ST8SIA5: variants seen among roughly 807,000 people sequenced by gnomAD.
ST8SIA5 encodes the protein alpha-2,8-sialyltransferase 8E.
ST8SIA5 carries 24 observed loss-of-function variants against 40.2 expected under a neutral mutation model. The observed-to-expected ratio is 0.60, with a 90% CI of 0.43 to 0.84. The LOEUF (loss-of-function observed/expected upper bound fraction) is 0.84. ST8SIA5 is among the 40% of genes least tolerant of loss of function. ST8SIA5 has a pLI of 0.00. For missense variants in ST8SIA5, 465 were observed against 498.5 expected, an observed-to-expected ratio of 0.93 and a Z score of 0.64; for synonymous variants, 198 against 201.8, an observed-to-expected ratio of 0.98 and a Z score of 0.16.
chr18:46,723,895 C>T (rs1302254456), intron 1 of ST8SIA5, among the ~76,000 whole-genome samples: 1 of 151,736 alleles, frequency 6.6e-6, no homozygotes, highest in Non-Finnish European at 1.5e-5. Flanking sequence ...CATTGCACTC[C>T]AGCCTGGGTG....
Position 46,677,420 on chromosome 18 carries a change from A to G in ST8SIA5, c.*2622T>C, listed in dbSNP as rs1722604664. The stretch of plus-strand genomic sequence containing the variant: ...GAGCCTCCTTACCCAAAGGGGTCTC[A>G]TGATGATTACAGGAGATAATATAGG... On this transcript the variant is annotated 3_prime_UTR_variant, in exon 7 of 7. Transcript: ENST00000315087. 1 of 152,192 alleles carries G rather than the reference A, an allele frequency of 6.6e-6. No homozygotes were observed. The highest frequency in any genetic ancestry group is 1.5e-5 in the Non-Finnish European group (1 of 68,040). 9.4% of individuals were successfully genotyped at this position (152,192 alleles called of 1,614,324 possible). A position where few individuals can be genotyped will look rare whatever the true frequency, so the allele number is the denominator to read the frequency against.
chr18:46,720,000 G>A (rs564742108), intron 1 of ST8SIA5, among the ~76,000 whole-genome samples: 24 of 151,924 alleles, frequency 1.6e-4, no homozygotes, highest in South Asian at 2.1e-4. Flanking sequence ...CACCACACCC[G>A]GCTAATTTTT....
chr18:46,720,628 C>T (rs942159024), intron 1 of ST8SIA5, among the ~76,000 whole-genome samples: 3 of 152,084 alleles, frequency 2.0e-5, no homozygotes, highest in Admixed American at 2.0e-4. Flanking sequence ...GAGTTACCCC[C>T]TCCTTAAAAA....
intron 1 of ST8SIA5, chr18:46,721,227 A>G: frequency 1.3e-6 from 1 of 749,330 alleles, no homozygotes; most frequent in Non-Finnish European, 2.2e-6. Flanking sequence ...GTGGGATACC[A>G]AAGTGCAGGG....
At position 46,696,737 on chromosome 18, in the gene ST8SIA5, C is replaced by G. The variant is rs145603697; in HGVS notation, c.225-4482G>C. Among the ~76,000 whole-genome samples, 5 of 152,290 alleles carry G rather than the reference C, an allele frequency of 3.3e-5. No individual in the cohort carries two copies. The East Asian group carries it at 9.6e-4, about 29-fold the overall frequency. On this transcript the variant is annotated intron_variant, in intron 2 of 6. Coordinates refer to ENST00000315087, the MANE Select transcript of ST8SIA5 (RefSeq NM_013305.6). The stretch of plus-strand genomic sequence containing the variant: ...ATCTTTAAAGATGAAGGGTTGACCC[C>G]AGGCACTTTTCTCCTTTCTCCCAAG...
chr18:46,685,493 C>A (rs2039437333), intron 5 of ST8SIA5, among the ~76,000 whole-genome samples: 1 of 152,158 alleles, frequency 6.6e-6, no homozygotes, highest in African/African-American at 2.4e-5. Context: ...TGGGGTTGGA[C>A]AGCCAAGAAC....
intron 1 of ST8SIA5, among the ~76,000 whole-genome samples, chr18:46,750,910 G>T (rs973250669): frequency 1.3e-5 from 2 of 152,206 alleles, no homozygotes; most frequent in African/African-American, 4.8e-5. Context: ...CAACCCAACG[G>T]ATTGTAAAAT....
At chr18:46,682,946 A>G (rs1355613847) in intron 5 of ST8SIA5, among the ~76,000 whole-genome samples, 6 of 152,252 alleles carry the variant, frequency 3.9e-5, no homozygotes, top group Non-Finnish European at 4.4e-5. Flanking sequence ...TTCTGCAGAC[A>G]TCTTGATTTT....
intron 1 of ST8SIA5, among the ~76,000 whole-genome samples, chr18:46,710,365 TTCTTTCTTTCTTTC>T (rs1427650266): frequency 4.5e-5 from 1 of 22,448 alleles, no homozygotes; most frequent in Non-Finnish European, 1.1e-4. Context: ...CTTCTTTCTT[TTCTTTCTTTCTTTC>T]TTTCTTTCTT....
At chr18:46,694,260 G>A (rs1158913565) in intron 2 of ST8SIA5, among the ~76,000 whole-genome samples, 1 of 152,130 alleles carries the variant, frequency 6.6e-6, no homozygotes, top group African/African-American at 2.4e-5. Context: ...TGGATCCTAT[G>A]GTCAAATATA....
chr18:46,705,040 C>T (rs547719479), intron 1 of ST8SIA5, among the ~76,000 whole-genome samples: 9 of 152,356 alleles, frequency 5.9e-5, no homozygotes, highest in African/African-American at 1.4e-4. Flanking sequence ...GCCATTCTGG[C>T]GCAGCACTGG....
Position 46,676,340 on chromosome 18 carries a change from G to A in ST8SIA5, c.*3702C>T, listed in dbSNP as rs1205066078. On this transcript the variant is annotated 3_prime_UTR_variant, in exon 7 of 7. Coordinates refer to ENST00000315087, the MANE Select transcript of ST8SIA5 (RefSeq NM_013305.6). Reference sequence around the variant, plus strand: ...CACACCAGACCACAAACTCCCGGAGGGCAGGGACGACGTTTTGTTCATCAC... The same window carrying A: ...CACACCAGACCACAAACTCCCGGAGAGCAGGGACGACGTTTTGTTCATCAC... 1.3e-5 allele frequency: 2 copies of A among 152,182 alleles called. No individual in the cohort carries two copies. The highest frequency in any genetic ancestry group is 2.9e-5 in the Non-Finnish European group (2 of 68,064). The allele number at this position is 152,182 out of a possible 1,614,324, so 9.4% of individuals were successfully genotyped here. A position where few individuals can be genotyped will look rare whatever the true frequency, so the allele number is the denominator to read the frequency against.
intron 6 of ST8SIA5, among the ~76,000 whole-genome samples, chr18:46,680,948 G>A (rs919650516): frequency 1.3e-5 from 2 of 152,092 alleles, no homozygotes; most frequent in African/African-American, 4.8e-5. Context: ...CTCTCCTGCA[G>A]CCTCCGTTTC....
At chr18:46,727,671 G>C (rs1243411083) in intron 1 of ST8SIA5, among the ~76,000 whole-genome samples, 2 of 152,124 alleles carry the variant, frequency 1.3e-5, no homozygotes, top group Non-Finnish European at 2.9e-5. Flanking sequence ...CCATTTCACA[G>C]ATGAGGAAAC....
chr18:46,715,427 A>C (rs2144518502), intron 1 of ST8SIA5, among the ~76,000 whole-genome samples: 1 of 152,322 alleles, frequency 6.6e-6, no homozygotes, highest in East Asian at 1.9e-4. Context: ...TTGGGAAGGC[A>C]GGAGGGAGGA....
chr18:46,744,088 C>T (rs750648221), intron 1 of ST8SIA5, among the ~76,000 whole-genome samples: 10 of 152,174 alleles, frequency 6.6e-5, no homozygotes, highest in Non-Finnish European at 1.0e-4. Flanking sequence ...AAGGAACAAC[C>T]GGTACCAGCC....
At chr18:46,734,209 G>A (rs1230156904) in intron 1 of ST8SIA5, among the ~76,000 whole-genome samples, 2 of 152,186 alleles carry the variant, frequency 1.3e-5, no homozygotes, top group African/African-American at 4.8e-5. Context: ...CTCACTCTGT[G>A]ACTTACGTTA....
At chr18:46,683,870 C>T (rs2144464096) in intron 5 of ST8SIA5, among the ~76,000 whole-genome samples, 1 of 152,268 alleles carries the variant, frequency 6.6e-6, no homozygotes, top group South Asian at 2.1e-4. Flanking sequence ...CACTGTGTTG[C>T]AAATGAGAAA....
At chr18:46,752,885 G>C (rs115082504) in intron 1 of ST8SIA5, among the ~76,000 whole-genome samples, 5,723 of 152,216 alleles carry the variant, frequency 0.038, 363 homozygotes, top group African/African-American at 0.13. Context: ...CTTTCACTGG[G>C]CTGTGACAGT....
Sources: gnomAD v4.1 joint callset for allele counts (sites outside exome capture counted in the v4.1 genomes callset) on GRCh38, gnomAD v4.1.1 for gene constraint, MANE v1.5 for transcripts, NCBI Gene and HGNC (gene_info 2026-07-23, HGNC 2026-07-21) for gene names.